The following SPHK2 variants were observed in gnomAD, a reference collection of about 807,000 sequenced individuals.
SPHK2 encodes the protein sphingosine kinase 2.
Under a neutral mutation model 32.3 loss-of-function variants are expected in SPHK2, and 18 were observed. The ratio of observed to expected loss-of-function variants is 0.56; its 90% CI spans 0.39 to 0.83. The LOEUF is 0.83. SPHK2 is among the 40% of genes least tolerant of loss of function. The pLI is 0.00. For synonymous variants in SPHK2, 462 were observed against 417.6 expected (o/e 1.11, Z -1.30); for missense variants, 850 against 908.7 (o/e 0.94, Z 0.83).
chr19:48,625,688 G>A (rs774051688), intron 2 of SPHK2: 4 of 1,534,710 alleles, frequency 2.6e-6, no homozygotes, highest in South Asian at 2.4e-5. Context: ...TTGCATGCCC[G>A]GGTCTCCGGC....
rs1224299403 is a variant in SPHK2, at chr19:48,627,708, G to C, written c.528G>C (p.Leu176=). Residue 176 remains leucine, a synonymous_variant, in exon 4 of 7, where the codon CTG becomes CTC. Transcript: ENST00000245222. ...LPGDGEITPD[L]LPRPPRLLLL... Reference sequence around the variant, plus strand: ...TCTCCACAGAGATCACCCCTGACCTGCTACCTCGGCCGCCCCGGTTGCTTC... The same window carrying C: ...TCTCCACAGAGATCACCCCTGACCTCCTACCTCGGCCGCCCCGGTTGCTTC... The C allele has an allele frequency of 1.2e-6, 2 of 1,602,276 alleles. No individual in the cohort carries two copies. Among genetic ancestry groups the C allele is most frequent in the South Asian group, 1.1e-5 (1 of 88,722 alleles).
At chr19:48,627,605 A>G (rs1056419167) in intron 3 of SPHK2, 87 bp from the exon 4 acceptor site, 53 of 1,464,536 alleles carry the variant, frequency 3.6e-5, no homozygotes, top group Non-Finnish European at 4.8e-5. Context: ...GCCCTCCACC[A>G]ATTCCGTTGG....
At chr19:48,622,116 G>A (rs1365129869) in intron 2 of SPHK2, among the ~76,000 whole-genome samples, 1 of 152,082 alleles carries the variant, frequency 6.6e-6, no homozygotes, top group Non-Finnish European at 1.5e-5. Flanking sequence ...AATTAGCCGG[G>A]CATGGTGGCG....
intron 2 of SPHK2, among the ~76,000 whole-genome samples, chr19:48,622,533 G>A (rs1974446939): frequency 6.6e-6 from 1 of 151,896 alleles, no homozygotes; most frequent in Non-Finnish European, 1.5e-5. Flanking sequence ...TGTGACTTAG[G>A]CTCTATGTTT....
chr19:48,620,352 C>G, intron 1 of SPHK2, 50 bp from the exon 2 acceptor site: 1 of 570,162 alleles, frequency 1.8e-6, no homozygotes, highest in South Asian at 2.5e-5. Flanking sequence ...CTGGAAGGGC[C>G]TCCTGCAGTT....
rs1461755986 is a variant in SPHK2, at chr19:48,626,041, C to T, written c.190C>T (p.Arg64Cys). ...EFGSYPARGP[R>C]FALTLTSQAL... is the part of the protein sequence containing the mutation. Reference sequence around the variant, plus strand: ...TGGCTCCTACCCAGCCCGAGGCCCACGCTTTGCCCTCACCCTTACATCGCA... The same window carrying T: ...TGGCTCCTACCCAGCCCGAGGCCCATGCTTTGCCCTCACCCTTACATCGCA... The change falls in exon 3 of 7, where the codon CGC (arginine) becomes TGC (cysteine). Residue 64 changes from arginine (R) to cysteine (C), a missense_variant. Arg to Cys is a radical substitution (Grantham distance 180, BLOSUM62 -3). Coordinates refer to ENST00000245222, the MANE Select transcript of SPHK2 (RefSeq NM_020126.5). The T allele has an allele frequency of 8.1e-6, 13 of 1,613,338 alleles. No individual in the cohort carries two copies. Among genetic ancestry groups the T allele is most frequent in the Non-Finnish European group, 1.1e-5 (13 of 1,179,908 alleles).
chr19:48,627,966 C>T lies in SPHK2; in HGVS notation c.662-9C>T, dbSNP rs760451398. 4.4e-6 allele frequency: 7 copies of T among 1,574,760 alleles called. No homozygotes were observed. Among genetic ancestry groups the T allele is most frequent in the Non-Finnish European group, 6.0e-6 (7 of 1,157,882 alleles). On this transcript the variant is annotated splice_polypyrimidine_tract_variant and intron_variant, in intron 4 of 6. Coordinates refer to ENST00000245222, the MANE Select transcript of SPHK2 (RefSeq NM_020126.5). ...ACAGCCTGCCTAACAGCCCGGTATC[C>T]CACTTCAGAACGACAGAACCACGCC...
Position 48,620,420 on chromosome 19 carries a change from G to C in SPHK2, c.-95G>C. 9.2e-7 allele frequency: 1 copy of C among 1,090,160 alleles called. No individual in the cohort carries two copies. The highest frequency in any genetic ancestry group is 1.4e-6 in the Non-Finnish European group (1 of 732,404). The allele number at this position is 1,090,160 out of a possible 1,614,324, so 67.5% of individuals were successfully genotyped here. On this transcript the variant is annotated 5_prime_UTR_variant, in exon 2 of 7. Transcript: ENST00000245222. ...TCCACAGAGCTGAAGGTCAGGCCAG[G>C]ACAGTGAGACCTGACTCCTTGCTCC...
At position 48,630,159 on chromosome 19, in the gene SPHK2, T is replaced by C. The variant is rs1165789537; in HGVS notation, c.*386T>C. On this transcript the variant is annotated 3_prime_UTR_variant, in exon 7 of 7. Transcript: ENST00000245222. The surrounding 1 kb of genome is among the most constrained non-coding windows in gnomAD (Gnocchi z 4.9). Reference sequence around the variant, plus strand: ...ATGTACTGGCTGGGGTAGGCCTCAGTGAGTCGGCCGGTCAGGGCCCGCAGC... The same window carrying C: ...ATGTACTGGCTGGGGTAGGCCTCAGCGAGTCGGCCGGTCAGGGCCCGCAGC... The C allele has an allele frequency of 1.6e-6, 2 of 1,241,768 alleles. No homozygotes were observed. The highest frequency in any genetic ancestry group is 3.1e-5 in the African/African-American group (2 of 64,602). The allele number at this position is 1,241,768 out of a possible 1,614,324, so 76.9% of individuals were successfully genotyped here.
rs201378907 is a variant in SPHK2, at chr19:48,629,348, G to C, written c.1540G>C (p.Gly514Arg). The change falls in exon 7 of 7, where the codon GGC (glycine) becomes CGC (arginine). Residue 514 changes from glycine (G) to arginine (R), a missense_variant. Gly to Arg is a moderately radical substitution (Grantham distance 125). Around this residue, in one of 2 missense-constraint regions of SPHK2, gnomAD observed 306 missense variants for 268.6 expected, o/e 1.14. Transcript: ENST00000245222. ...TGCCCGGGTAGGGGCCTCCACCTGCGGCCCGCCCGACCACCTGCTGCCTCC... is the reference window on the plus strand; with the variant it reads ...TGCCCGGGTAGGGGCCTCCACCTGCCGCCCGCCCGACCACCTGCTGCCTCC... ...PDARVGASTC[G>R]PPDHLLPPLG... is the part of the protein sequence containing the mutation. 1.9e-6 allele frequency: 3 copies of C among 1,612,634 alleles called. No homozygotes were observed. The highest frequency in any genetic ancestry group is 2.5e-6 in the Non-Finnish European group (3 of 1,179,718).
intron 2 of SPHK2, chr19:48,625,041 ACCCGCTCCCT>A: frequency 4.0e-6 from 4 of 991,426 alleles, no homozygotes; most frequent in Non-Finnish European, 4.8e-6. Context: ...TCCTGCTCCC[ACCCGCTCCCT>A]GGAGAGCAGG....
At position 48,628,356 on chromosome 19, in the gene SPHK2, A is replaced by G; in HGVS notation, c.872+79A>G. 1 of 1,341,830 alleles carries G rather than the reference A, an allele frequency of 7.5e-7. No homozygotes were observed. The highest frequency in any genetic ancestry group is 1.1e-6 in the Non-Finnish European group (1 of 942,238). The allele number at this position is 1,341,830 out of a possible 1,614,324, so 83.1% of individuals were successfully genotyped here. A position where few individuals can be genotyped will look rare whatever the true frequency, so the allele number is the denominator to read the frequency against. ...ACCCCTATATCTCCCACTCAGCCAA[A>G]CCCACAGTCAGTCAAGTAAATCAGC... On this transcript the variant is annotated intron_variant, in intron 6 of 6. Coordinates refer to ENST00000245222, the MANE Select transcript of SPHK2 (RefSeq NM_020126.5). This position sits in a 1 kb window ranked among gnomAD's most constrained non-coding sequence, Gnocchi z 5.2.
In SPHK2 at chr19:48,628,004, C is replaced by A; in HGVS notation, c.691C>A (p.Gln231Lys). The A allele has an allele frequency of 6.3e-7, 1 of 1,594,544 alleles. No homozygotes were observed. The highest frequency in any genetic ancestry group is 8.6e-7 in the Non-Finnish European group (1 of 1,167,496). The part of the protein sequence containing the change: ...ERQNHARELV[Q>K]GLSLSEWDGI... The stretch of plus-strand genomic sequence containing the variant: ...ACAGAACCACGCCCGGGAGCTGGTC[C>A]AGGGGCTGAGCCTGAGTGAGTGGGA... The change falls in exon 5 of 7, where the codon CAG (glutamine) becomes AAG (lysine). Residue 231 changes from glutamine to lysine, a missense_variant. Gln to Lys is a moderately conservative substitution (Grantham distance 53). This residue lies in a region of SPHK2 where 544 missense variants were observed against 640.0 expected (regional missense o/e 0.85). Coordinates refer to ENST00000245222, the MANE Select transcript of SPHK2 (RefSeq NM_020126.5). The surrounding 1 kb of genome is among the most constrained non-coding windows in gnomAD (Gnocchi z 5.2).
chr19:48,620,606 G>T, intron 2 of SPHK2, 53 bp downstream of exon 2: 9 of 1,309,452 alleles, frequency 6.9e-6, no homozygotes, highest in Non-Finnish European at 8.4e-6. Context: ...GACAAAATCT[G>T]AAGCTTTTCT....
At chr19:48,623,533 T>C (rs557722305) in intron 2 of SPHK2, 23 of 152,442 alleles carry the variant, frequency 1.5e-4, no homozygotes, top group Non-Finnish European at 2.9e-5. Context: ...TCTGTCAACA[T>C]CTTCACTTTC....
At chr19:48,625,537 C>A in intron 2 of SPHK2, 1 of 1,280,610 alleles carries the variant, frequency 7.8e-7, no homozygotes, top group Non-Finnish European at 1.0e-6. Context: ...CTGTATATTT[C>A]AATCCTTTCT....
chr19:48,620,522 GAC>G lies in SPHK2; in HGVS notation c.11_12del (p.His4ProfsTer2). On this transcript the variant is annotated frameshift_variant, in exon 2 of 7. Transcript: ENST00000245222. LOFTEE classifies it high-confidence loss of function. ...AGAGCAGAGGACCAGCAGATGAATG[GAC>G]ACCTTGAAGCAGAGGAGCAGCAGGA... 6.2e-7 allele frequency: 1 copy of G among 1,613,198 alleles called. No individual in the cohort carries two copies. Among genetic ancestry groups the G allele is most frequent in the Non-Finnish European group, 8.5e-7 (1 of 1,179,578 alleles).
chr19:48,629,390 C>T lies in SPHK2; in HGVS notation c.1582C>T (p.Pro528Ser). 1 of 1,611,722 alleles carries T rather than the reference C, an allele frequency of 6.2e-7. No individual in the cohort carries two copies. Among genetic ancestry groups the T allele is most frequent in the Non-Finnish European group, 8.5e-7 (1 of 1,179,442 alleles). The change falls in exon 7 of 7, where the codon CCC (proline) becomes TCC (serine). Residue 528 changes from proline (P) to serine (S), a missense_variant. Coordinates refer to ENST00000245222, the MANE Select transcript of SPHK2 (RefSeq NM_020126.5). ...HLLPPLGTPL[P>S]PDWVTLEGDF... ...GCTGCCTCCGCTGGGCACCCCGCTG[C>T]CCCCAGACTGGGTGACGCTGGAGGG...
At chr19:48,624,260 T>G (rs751471083) in intron 2 of SPHK2, 1 of 152,324 alleles carries the variant, frequency 6.6e-6, no homozygotes, top group Non-Finnish European at 1.5e-5. Context: ...GGCCGGTCCC[T>G]GCACCAAGCT....
Sources: gnomAD v4.1 joint callset for allele counts (sites outside exome capture counted in the v4.1 genomes callset) on GRCh38, gnomAD v4.1.1 for gene constraint, gnomAD v4.1.1 regional missense constraint, Gnocchi (gnomAD v3.1) non-coding constraint, MANE v1.5 for transcripts, NCBI Gene and HGNC (gene_info 2026-07-23, HGNC 2026-07-21) for gene names.